The following GAK variants were observed in gnomAD, a reference collection of about 807,000 sequenced individuals.
GAK encodes cyclin-G-associated kinase.
Under a neutral mutation model 143.9 loss-of-function variants are expected in GAK, and 79 were observed. That is an observed-to-expected ratio of 0.55 (90% confidence interval 0.46 to 0.66). GAK has a LOEUF of 0.66. Among genes scored for constraint, GAK ranks in the 30% least tolerant of loss-of-function variants. The probability of loss-of-function intolerance (pLI) is 0.00; values close to 1 mark genes in which losing one functional copy is unlikely to be tolerated. For missense variants in GAK, 1,693 were observed against 1,779.7 expected (o/e 0.95, Z 0.88); for synonymous variants, 881 against 765.5 (o/e 1.15, Z -2.49).
chr4:882,034 T>A lies in GAK; in HGVS notation c.1534A>T (p.Arg512Ter), dbSNP rs998242724. Reference protein sequence around the residue: ...NVCVVHCMDGRAASAVAVCSF... With the variant: ...NVCVVHCMDG ...CAGACGGCCACAGCAGACGCGGCTC[T>A]CCCGTCCTAGGACAGACAGACACGT... Residue 512 changes from arginine (R) to a stop codon, truncating the protein, a stop_gained, in exon 15 of 28, where the codon AGA (arginine) becomes TGA (stop). Transcript: ENST00000314167. LOFTEE classifies it high-confidence loss of function. 6.2e-7 allele frequency: 1 copy of A among 1,604,484 alleles called. No homozygotes were observed. The highest frequency in any genetic ancestry group is 1.3e-5 in the African/African-American group (1 of 74,904).
At chr4:878,696 C>A (rs1714490364) in intron 15 of GAK, among the ~76,000 whole-genome samples, 1 of 152,166 alleles carries the variant, frequency 6.6e-6, no homozygotes, top group African/African-American at 2.4e-5. Flanking sequence ...TCAGTTTTTG[C>A]CTGATGGATG....
intron 4 of GAK, among the ~76,000 whole-genome samples, chr4:911,297 C>A (rs1722009124): frequency 6.6e-6 from 1 of 152,146 alleles, no homozygotes; most frequent in Non-Finnish European, 1.5e-5. Context: ...CCACGCTCCA[C>A]CCCACAGGGA....
At chr4:914,554 CGTGCACGGCCCCCCACACACAGCCCCAGG>C (rs1722718472) in intron 1 of GAK, among the ~76,000 whole-genome samples, 5 of 103,464 alleles carry the variant, frequency 4.8e-5, no homozygotes, top group African/African-American at 1.9e-4. Context: ...ACAGCCCCAG[CGTGCACGGCCCCCCACACACAGCCCCAGG>C]GTGCACGGCC....
In GAK at chr4:866,460, C is replaced by T. The variant is rs138724620; in HGVS notation, c.2947G>A (p.Glu983Lys). Residue 983 changes from glutamate to lysine, a missense_variant, in exon 22 of 28, where the codon GAA becomes AAA. Transcript: ENST00000314167. ...GTCACAGAGTCCGAATTGAGAAATT[C>T]GCCGAAGAGATCAGGATTGGAGCAG... ...QPCSNPDLFG[E>K]FLNSDSVTVP... The T allele has an allele frequency of 1.1e-4, 179 of 1,613,984 alleles. No homozygotes were observed. Among genetic ancestry groups the T allele is most frequent in the Non-Finnish European group, 1.3e-4 (159 of 1,179,986 alleles).
At position 877,810 on chromosome 4, in the gene GAK, C is replaced by T. The variant is rs1189232833; in HGVS notation, c.1662-1G>A. 1.3e-6 allele frequency: 2 copies of T among 1,581,306 alleles called. No individual in the cohort carries two copies. The highest frequency in any genetic ancestry group is 1.7e-6 in the Non-Finnish European group (2 of 1,160,728). On this transcript the variant is annotated splice_acceptor_variant, in intron 15 of 27. Coordinates refer to ENST00000314167, the MANE Select transcript of GAK (RefSeq NM_005255.4). LOFTEE classifies it high-confidence loss of function. The stretch of plus-strand genomic sequence containing the variant: ...CATGTCACACATGTACTCGATGTAC[C>T]TGGGGGCAGACGTGCCGCGTCACCA...
chr4:909,162 T>C (rs1001430852), intron 4 of GAK, among the ~76,000 whole-genome samples: 1 of 152,268 alleles, frequency 6.6e-6, no homozygotes, highest in African/African-American at 2.4e-5. Flanking sequence ...CTGTGTTATT[T>C]GTATTTTGTC....
intron 1 of GAK, among the ~76,000 whole-genome samples, chr4:928,348 G>A (rs1185249598): frequency 1.3e-5 from 2 of 152,190 alleles, no homozygotes; most frequent in Non-Finnish European, 2.9e-5. Flanking sequence ...GTGAGCCGTC[G>A]TGCCCGGCCC....
chr4:912,465 A>G (rs1722218171), intron 3 of GAK: 1 of 427,532 alleles, frequency 2.3e-6, no homozygotes, highest in African/African-American at 2.0e-5. Context: ...CAGCCCATCC[A>G]CTGGGCAGGG....
intron 15 of GAK, 57 bp from the exon 16 acceptor site, chr4:877,866 C>A: frequency 6.9e-7 from 1 of 1,448,752 alleles, no homozygotes; most frequent in South Asian, 1.4e-5. Flanking sequence ...GACCACACAG[C>A]TGATTTTGTC....
chr4:909,624 C>A (rs1721686270), intron 4 of GAK, among the ~76,000 whole-genome samples: 1 of 151,604 alleles, frequency 6.6e-6, no homozygotes, highest in Non-Finnish European at 1.5e-5. Flanking sequence ...GGCACAAACA[C>A]CAGTGGCCAT....
chr4:916,699 G>T (rs1225448472), intron 1 of GAK, among the ~76,000 whole-genome samples: 2 of 152,226 alleles, frequency 1.3e-5, no homozygotes, highest in Non-Finnish European at 2.9e-5. Flanking sequence ...CAGACCAAGT[G>T]TCGCTGAGGA....
intron 1 of GAK, among the ~76,000 whole-genome samples, chr4:914,434 G>A (rs1274117123): frequency 3.9e-4 from 25 of 63,844 alleles, no homozygotes; most frequent in African/African-American, 1.0e-3. Context: ...CAGCCCCAGC[G>A]TGCACGGCCC....
At chr4:881,762 G>C (rs1014976143) in intron 15 of GAK, 145 bp downstream of exon 15, 36 of 1,041,810 alleles carry the variant, frequency 3.5e-5, no homozygotes, top group Non-Finnish European at 4.7e-5. Context: ...CCAGGGCTCA[G>C]CCATGGCTCC....
chr4:852,239 A>AC, intron 24 of GAK: 1 of 546,090 alleles, frequency 1.8e-6, no homozygotes, highest in Non-Finnish European at 3.3e-6. Context: ...GCAGCACCCC[A>AC]CCCCCAGGAG....
chr4:908,886 GT>G (rs1047188899), intron 4 of GAK, among the ~76,000 whole-genome samples: 1 of 151,922 alleles, frequency 6.6e-6, no homozygotes, highest in African/African-American at 2.4e-5. Context: ...GTTGTTGTTG[GT>G]TTTTTTTGAG....
chr4:850,469 G>A (rs901525825), intron 26 of GAK: 6 of 205,030 alleles, frequency 2.9e-5, no homozygotes, highest in African/African-American at 1.4e-4. Flanking sequence ...CATCGGCCAA[G>A]CCACAGAGCA....
chr4:891,984 GC>G (rs1159182281), intron 9 of GAK, among the ~76,000 whole-genome samples: 1 of 152,136 alleles, frequency 6.6e-6, no homozygotes, highest in African/African-American at 2.4e-5. Context: ...CACCATGATG[GC>G]CGCCAGAGAG....
Position 866,976 on chromosome 4 carries a change from C to T in GAK, c.2852G>A (p.Arg951Lys), listed in dbSNP as rs1468860007. ...CGTACCAGCGGCAGGGGGCCCTCCTCTTGGGGTGCTCTGCACGCTCAGGGG... is the reference window on the plus strand; with the variant it reads ...CGTACCAGCGGCAGGGGGCCCTCCTTTTGGGGTGCTCTGCACGCTCAGGGG... ...APPLSVQSTP[R>K]GGPPAAADPF... The change falls in exon 21 of 28, where the codon AGA becomes AAA. Residue 951 changes from arginine (R) to lysine (K), a missense_variant. Around this residue, in one of 2 missense-constraint regions of GAK, gnomAD observed 822 missense variants for 788.7 expected, o/e 1.04. Transcript: ENST00000314167. 12 of 1,493,910 alleles carry T rather than the reference C, an allele frequency of 8.0e-6. No individual in the cohort carries two copies. Among genetic ancestry groups the T allele is most frequent in the African/African-American group, 2.8e-5 (2 of 70,968 alleles). 92.5% of individuals were successfully genotyped at this position (1,493,910 alleles called of 1,614,324 possible). A position where few individuals can be genotyped will look rare whatever the true frequency, so the allele number is the denominator to read the frequency against.
chr4:919,618 G>GTCCCT (rs1007765120), intron 1 of GAK, among the ~76,000 whole-genome samples: 2 of 152,236 alleles, frequency 1.3e-5, no homozygotes, highest in Admixed American at 1.3e-4. Context: ...GCTCCCTTGC[G>GTCCCT]TCCCTCAGGA....
Sources: allele counts gnomAD v4.1 joint callset (sites outside exome capture counted in the v4.1 genomes callset), GRCh38; gene constraint gnomAD v4.1.1; regional missense constraint gnomAD v4.1.1; transcripts MANE v1.5; gene names NCBI Gene and HGNC (gene_info 2026-07-23, HGNC 2026-07-21).